The following CCDC88A variants were observed in gnomAD, a reference collection of about 807,000 sequenced individuals.
CCDC88A encodes the protein girdin.
Under a neutral mutation model 234.3 loss-of-function variants are expected in CCDC88A, and 54 were observed. The observed-to-expected ratio is 0.23, with a 90% CI of 0.19 to 0.29. CCDC88A has a LOEUF of 0.29. CCDC88A is among the 10% of genes least tolerant of loss of function. The probability of loss-of-function intolerance (pLI) is 1.00; values close to 1 mark genes in which losing one functional copy is unlikely to be tolerated. For synonymous variants in CCDC88A, 753 were observed against 737.8 expected (o/e 1.02, Z -0.33); for missense variants, 1,832 against 2,123.4 (o/e 0.86, Z 2.70).
At chr2:55,404,997 G>C (rs1230505875) in intron 2 of CCDC88A, 1 of 152,254 alleles carries the variant, frequency 6.6e-6, no homozygotes, top group Non-Finnish European at 1.5e-5. Context: ...CCAAAGTTCT[G>C]GGATTACAGG....
At chr2:55,291,818 A>G (rs1192223451) in intron 31 of CCDC88A, 43 bp from the exon 32 acceptor site, 2 of 1,458,150 alleles carry the variant, frequency 1.4e-6, no homozygotes, top group Admixed American at 1.7e-5. Context: ...CAAAGATGAA[A>G]CAAAATACAA....
intron 5 of CCDC88A, among the ~76,000 whole-genome samples, chr2:55,369,315 G>A (rs1025532576): frequency 2.0e-5 from 3 of 152,110 alleles, no homozygotes; most frequent in African/African-American, 7.2e-5. Flanking sequence ...TTACAGGTGT[G>A]AGCCACCATG....
chr2:55,355,348 T>TA (rs923802591), intron 8 of CCDC88A: 9 of 398,910 alleles, frequency 2.3e-5, no homozygotes, highest in African/African-American at 1.2e-4. Context: ...TTATTTTATT[T>TA]AAAAAAATAC....
intron 3 of CCDC88A, among the ~76,000 whole-genome samples, chr2:55,381,652 C>T (rs1280461376): frequency 6.6e-6 from 1 of 150,688 alleles, no homozygotes; most frequent in Non-Finnish European, 1.5e-5. Context: ...GTAAGAAAGA[C>T]TACTTCACAA....
In CCDC88A at chr2:55,393,289, G is replaced by GTTTTTTTTTTTTTT. The variant is rs558827055; in HGVS notation, c.165-4417_165-4404dup. 3.2e-4 allele frequency among the ~76,000 whole-genome samples: 20 copies of GTTTTTTTTTTTTTT among 61,680 alleles called. 3 individuals are homozygous for GTTTTTTTTTTTTTT. The highest frequency in any genetic ancestry group is 5.6e-4 in the East Asian group (1 of 1,774). 40.5% of individuals were successfully genotyped at this position (61,680 alleles called of 152,430 possible). A position where few individuals can be genotyped will look rare whatever the true frequency, so the allele number is the denominator to read the frequency against. ...TAGAGTTTTGATTTTGGTTTTTTGG[G>GTTTTTTTTTTTTTT]TTTTTTTTTTTTTTTTTTTTTTTGC... On this transcript the variant is annotated intron_variant, in intron 2 of 32. Transcript: ENST00000436346.
intron 3 of CCDC88A, among the ~76,000 whole-genome samples, chr2:55,375,192 A>G (rs1410431205): frequency 6.6e-6 from 1 of 152,110 alleles, no homozygotes; most frequent in Admixed American, 6.6e-5. Flanking sequence ...CAACATAGTG[A>G]GACCTTCATC....
At chr2:55,405,415 AC>A (rs1679372573) in intron 2 of CCDC88A, 1 of 152,242 alleles carries the variant, frequency 6.6e-6, no homozygotes, top group African/African-American at 2.4e-5. Flanking sequence ...TGAAACCCAT[AC>A]AGATTAATGA....
chr2:55,366,491 C>T (rs1179070553), intron 5 of CCDC88A, among the ~76,000 whole-genome samples: 1 of 151,656 alleles, frequency 6.6e-6, no homozygotes, highest in African/African-American at 2.4e-5. Flanking sequence ...TGCGCCACTA[C>T]ACTCCAGCCT....
At chr2:55,387,209 GGTTTT>G (rs1270055120) in intron 3 of CCDC88A, among the ~76,000 whole-genome samples, 3 of 145,840 alleles carry the variant, frequency 2.1e-5, no homozygotes, top group African/African-American at 7.6e-5. Context: ...AAGAAACATT[GGTTTT>G]ATTTATTTAA....
rs540966899 is a variant in CCDC88A at position 55,309,893 on chromosome 2, T to C, written c.4080-639A>G. Among the ~76,000 whole-genome samples, 41 of 152,214 alleles carry C rather than the reference T, an allele frequency of 2.7e-4. No individual in the cohort carries two copies. The South Asian group carries it at 6.8e-3, about 25-fold the overall frequency. On this transcript the variant is annotated intron_variant, in intron 23 of 32. Transcript: ENST00000436346. This position sits in a 1 kb window ranked among gnomAD's most constrained non-coding sequence, Gnocchi z 5.1. ...ATATCCATAAATTAATATAATAACATATAATATTGTGTGTGTGTATATATA... is the reference window on the plus strand; with the variant it reads ...ATATCCATAAATTAATATAATAACACATAATATTGTGTGTGTGTATATATA...
At chr2:55,326,017 T>C (rs1011158684) in intron 17 of CCDC88A, among the ~76,000 whole-genome samples, 1 of 152,236 alleles carries the variant, frequency 6.6e-6, no homozygotes, top group African/African-American at 2.4e-5. Context: ...TAGATGGGTC[T>C]TATCTTTTTG....
At chr2:55,378,895 G>A (rs903572355) in intron 3 of CCDC88A, among the ~76,000 whole-genome samples, 7 of 152,054 alleles carry the variant, frequency 4.6e-5, no homozygotes, top group East Asian at 1.9e-4. Flanking sequence ...ACAGGTGCCC[G>A]CCACCACATC....
At chr2:55,398,874 A>G (rs867395151) in intron 2 of CCDC88A, among the ~76,000 whole-genome samples, 2 of 152,070 alleles carry the variant, frequency 1.3e-5, no homozygotes, top group African/African-American at 2.4e-5. Flanking sequence ...AACAAAAAAA[A>G]AAAGAAAGAA....
chr2:55,318,595 A>G (rs1683243166), intron 19 of CCDC88A, among the ~76,000 whole-genome samples: 1 of 152,188 alleles, frequency 6.6e-6, no homozygotes, highest in Non-Finnish European at 1.5e-5. Context: ...ATTTTTTACA[A>G]TCGACTTAAT....
chr2:55,374,733 A>G lies in CCDC88A; in HGVS notation c.343+81T>C. ...TGAAAAATCTAGTGAGTTAATGTATATAAGCTCTTAGTAAAAAATAAACAT... is the reference window on the plus strand; with the variant it reads ...TGAAAAATCTAGTGAGTTAATGTATGTAAGCTCTTAGTAAAAAATAAACAT... On this transcript the variant is annotated intron_variant, in intron 4 of 32. Coordinates refer to ENST00000436346, the MANE Select transcript of CCDC88A (RefSeq NM_001365480.1). 4 of 809,582 alleles carry G rather than the reference A, an allele frequency of 4.9e-6. No homozygotes were observed. In the South Asian group the frequency reaches 5.3e-5, roughly 11 times the overall value. 50.1% of individuals were successfully genotyped at this position (809,582 alleles called of 1,614,324 possible).
intron 22 of CCDC88A, among the ~76,000 whole-genome samples, chr2:55,314,845 TC>T (rs773529647): frequency 8.5e-5 from 13 of 152,206 alleles, no homozygotes; most frequent in Non-Finnish European, 1.9e-4. Context: ...CACTATCCCT[TC>T]CCACCAAGGT....
chr2:55,364,108 T>G (rs1671664070), intron 5 of CCDC88A, 75 bp from the exon 6 acceptor site: 1 of 635,788 alleles, frequency 1.6e-6, no homozygotes, highest in Non-Finnish European at 2.6e-6. Context: ...TAACTAAAAC[T>G]TTATGAGGTT....
In CCDC88A at chr2:55,295,362, G is replaced by A. The variant is rs1038736754; in HGVS notation, c.5551+235C>T. 4 of 1,531,028 alleles carry A rather than the reference G, an allele frequency of 2.6e-6. No individual in the cohort carries two copies. The Admixed American group carries it at 5.9e-5, about 23-fold the overall frequency. 94.8% of individuals were successfully genotyped at this position (1,531,028 alleles called of 1,614,324 possible). A position where few individuals can be genotyped will look rare whatever the true frequency, so the allele number is the denominator to read the frequency against. On this transcript the variant is annotated intron_variant, in intron 31 of 32. Coordinates refer to ENST00000436346, the MANE Select transcript of CCDC88A (RefSeq NM_001365480.1). ...GGATAAGAATGGCTGAGATGAATGG[G>A]CCACAGTAAATGGTCCTATGCTATC...
chr2:55,373,282 A>G (rs956503152), intron 4 of CCDC88A, among the ~76,000 whole-genome samples: 1 of 152,026 alleles, frequency 6.6e-6, no homozygotes, highest in African/African-American at 2.4e-5. Flanking sequence ...ATTAATCACC[A>G]TTCTTCCCAA....
Sources: allele counts gnomAD v4.1 joint callset (sites outside exome capture counted in the v4.1 genomes callset), GRCh38; gene constraint gnomAD v4.1.1; non-coding constraint Gnocchi (gnomAD v3.1); transcripts MANE v1.5; gene names NCBI Gene and HGNC (gene_info 2026-07-23, HGNC 2026-07-21).